ZNF440: variants seen among roughly 807,000 people sequenced by gnomAD.
ZNF440 encodes zinc finger protein 440.
ZNF440 carries 47 observed loss-of-function variants against 49.7 expected under a neutral mutation model. The observed-to-expected ratio is 0.95, with a 90% CI of 0.75 to 1.21. The LOEUF is 1.21. Among genes scored for constraint, ZNF440 ranks in the 50% most tolerant of loss-of-function variants. ZNF440 has a pLI of 0.00. For missense variants in ZNF440, 703 were observed against 715.0 expected (o/e 0.98, Z 0.19); for synonymous variants, 255 against 237.7 (o/e 1.07, Z -0.67).
intron 1 of ZNF440, 142 bp from the exon 2 acceptor site, chr19:11,830,141 C>A (rs985524059): frequency 3.4e-6 from 5 of 1,475,056 alleles, no homozygotes; most frequent in South Asian, 1.4e-5. Flanking sequence ...TAAGTATACA[C>A]AGGGAGAAAG....
chr19:11,823,456 AC>A (rs1288759682), intron 1 of ZNF440, among the ~76,000 whole-genome samples: 1 of 152,164 alleles, frequency 6.6e-6, no homozygotes, highest in African/African-American at 2.4e-5. Context: ...AGTGAAAAAA[AC>A]AAACTGCCTT....
chr19:11,826,638 GTTTTCCTTTTTTAATTTT>G (rs1975869753), intron 1 of ZNF440, among the ~76,000 whole-genome samples: 1 of 144,754 alleles, frequency 6.9e-6, no homozygotes, highest in Non-Finnish European at 1.5e-5. Context: ...CTTCATTGTT[GTTTTCCTTTTTTAATTTT>G]TTTTCCTTTT....
Position 11,833,467 on chromosome 19 carries a change from G to T in ZNF440, c.*503G>T. 2.8e-6 allele frequency: 1 copy of T among 353,700 alleles called. No homozygotes were observed. Among genetic ancestry groups the T allele is most frequent in the Non-Finnish European group, 5.5e-6 (1 of 182,144 alleles). The allele number at this position is 353,700 out of a possible 1,614,324, so 21.9% of individuals were successfully genotyped here. ...CTACTTCCTTTCATAGACATGAAAA[G>T]ACTCACACTGGAAGGAAACACTATG... On this transcript the variant is annotated 3_prime_UTR_variant, in exon 4 of 4. Transcript: ENST00000304060.
chr19:11,826,662 C>CTTT (rs112043377), intron 1 of ZNF440, among the ~76,000 whole-genome samples: 1 of 142,290 alleles, frequency 7.0e-6, no homozygotes, highest in Non-Finnish European at 1.5e-5. Flanking sequence ...ATTTTTTTTC[C>CTTT]TTTTTTTTTT....
Position 11,814,444 on chromosome 19 carries a change from A to G in ZNF440, c.-4A>G. The G allele has an allele frequency of 6.4e-7, 1 of 1,554,322 alleles. No homozygotes were observed. On this transcript the variant is annotated 5_prime_UTR_variant, in exon 1 of 4. Transcript: ENST00000304060. ...GGACGCCGGAACACCCTGGAAGCCGAGAAATGGTGTGTGTGAGGGGGCTGG... is the reference window on the plus strand; with the variant it reads ...GGACGCCGGAACACCCTGGAAGCCGGGAAATGGTGTGTGTGAGGGGGCTGG...
intron 1 of ZNF440, chr19:11,817,077 C>T (rs1599287839): frequency 6.6e-6 from 1 of 152,198 alleles, no homozygotes; most frequent in African/African-American, 2.4e-5. Flanking sequence ...TCGAAAGTTT[C>T]AGATTTCAAC....
At chr19:11,828,680 T>C (rs1975896137) in intron 1 of ZNF440, among the ~76,000 whole-genome samples, 2 of 151,024 alleles carry the variant, frequency 1.3e-5, no homozygotes, top group South Asian at 4.2e-4. Flanking sequence ...TGTTATTTTT[T>C]CTTTTTCTTT....
chr19:11,817,951 T>G (rs1166190893), intron 1 of ZNF440, among the ~76,000 whole-genome samples: 2 of 152,218 alleles, frequency 1.3e-5, no homozygotes, highest in Non-Finnish European at 2.9e-5. Context: ...GGCTCACGCC[T>G]GTAATCCCAG....
In ZNF440 at chr19:11,824,706, C is replaced by CTTT. The variant is rs71166634; in HGVS notation, c.4-5560_4-5558dup. On this transcript the variant is annotated intron_variant, in intron 1 of 3. Coordinates refer to ENST00000304060, the MANE Select transcript of ZNF440 (RefSeq NM_152357.3). Reference sequence around the variant, plus strand: ...CAGGCTCATAGTTCCCCCCACCACCCTTTTTTTTTTTTTTTTTTTGAGATA... The same window carrying CTTT: ...CAGGCTCATAGTTCCCCCCACCACCCTTTTTTTTTTTTTTTTTTTTTTGAGATA... 4.7e-3 allele frequency among the ~76,000 whole-genome samples: 571 copies of CTTT among 120,476 alleles called. 16 individuals carry two copies. Among genetic ancestry groups the CTTT allele is most frequent in the Middle Eastern group, 0.014 (3 of 212 alleles). 79.0% of individuals were successfully genotyped at this position (120,476 alleles called of 152,430 possible). A position where few individuals can be genotyped will look rare whatever the true frequency, so the allele number is the denominator to read the frequency against.
At chr19:11,827,355 C>T (rs1216866722) in intron 1 of ZNF440, among the ~76,000 whole-genome samples, 1 of 152,194 alleles carries the variant, frequency 6.6e-6, no homozygotes, top group African/African-American at 2.4e-5. Flanking sequence ...AGCCACCGCA[C>T]CCAGCGTTTT....
At chr19:11,825,028 T>C (rs995714424) in intron 1 of ZNF440, among the ~76,000 whole-genome samples, 9 of 151,858 alleles carry the variant, frequency 5.9e-5, no homozygotes, top group African/African-American at 1.7e-4. Flanking sequence ...ATTCTAAACA[T>C]CTTGACTGGC....
Position 11,833,191 on chromosome 19 carries a change from C to G in ZNF440, c.*227C>G. On this transcript the variant is annotated 3_prime_UTR_variant, in exon 4 of 4. Coordinates refer to ENST00000304060, the MANE Select transcript of ZNF440 (RefSeq NM_152357.3). ...AATTTGGGAAAGCCTTCAGATCTGT[C>G]AAAAATCTTCGATTTCATAAAAGGA... 1 of 1,179,938 alleles carries G rather than the reference C, an allele frequency of 8.5e-7. No homozygotes were observed. The highest frequency in any genetic ancestry group is 1.2e-6 in the Non-Finnish European group (1 of 822,798). 73.1% of individuals were successfully genotyped at this position (1,179,938 alleles called of 1,614,324 possible).
chr19:11,818,066 A>G (rs997926921), intron 1 of ZNF440, among the ~76,000 whole-genome samples: 1 of 152,000 alleles, frequency 6.6e-6, no homozygotes, highest in Non-Finnish European at 1.5e-5. Context: ...TTAACTGGGC[A>G]TGGTGGCATG....
At chr19:11,822,845 T>TTAAAAAAAA (rs1300080046) in intron 1 of ZNF440, among the ~76,000 whole-genome samples, 1 of 117,534 alleles carries the variant, frequency 8.5e-6, no homozygotes, top group African/African-American at 3.3e-5. Context: ...GAAACTCCGT[T>TTAAAAAAAA]AAAAAAAAAA....
In ZNF440 at chr19:11,833,127, A is replaced by G; in HGVS notation, c.*163A>G. The G allele has an allele frequency of 7.1e-7, 1 of 1,406,896 alleles. No individual in the cohort carries two copies. The highest frequency in any genetic ancestry group is 1.0e-6 in the Non-Finnish European group (1 of 1,000,850). The allele number at this position is 1,406,896 out of a possible 1,614,324, so 87.2% of individuals were successfully genotyped here. On this transcript the variant is annotated 3_prime_UTR_variant, in exon 4 of 4. Coordinates refer to ENST00000304060, the MANE Select transcript of ZNF440 (RefSeq NM_152357.3). ...TCCTTCACTTCCTTTCGATATCATG[A>G]AAGGACTCACACTGGAGAGAACCCC...
chr19:11,821,340 A>G (rs1403476154), intron 1 of ZNF440, among the ~76,000 whole-genome samples: 2 of 152,148 alleles, frequency 1.3e-5, no homozygotes, highest in South Asian at 2.1e-4. Flanking sequence ...GGAGACTCCT[A>G]GTATACTCTG....
chr19:11,819,136 TC>T lies in ZNF440; in HGVS notation c.3+4693del, dbSNP rs373908514. Among the ~76,000 whole-genome samples, 13 of 151,440 alleles carry T rather than the reference TC, an allele frequency of 8.6e-5. No individual in the cohort carries two copies. The East Asian group carries it at 9.7e-4, about 11-fold the overall frequency. ...CAGCCTGGGCAACATAGTGAGACCC[TC>T]CCCCCCATCTCAATTATGAAAAATC... On this transcript the variant is annotated intron_variant, in intron 1 of 3. Coordinates refer to ENST00000304060, the MANE Select transcript of ZNF440 (RefSeq NM_152357.3).
At chr19:11,822,356 T>C (rs866094921) in intron 1 of ZNF440, among the ~76,000 whole-genome samples, 11 of 152,320 alleles carry the variant, frequency 7.2e-5, no homozygotes, top group South Asian at 6.2e-4. Flanking sequence ...AAATGCATGC[T>C]AAGGTAACAT....
At chr19:11,828,432 A>G (rs1295464324) in intron 1 of ZNF440, among the ~76,000 whole-genome samples, 2 of 151,984 alleles carry the variant, frequency 1.3e-5, no homozygotes, top group African/African-American at 4.8e-5. Context: ...TGATCTTCCC[A>G]CCTCAACCTC....
Sources: allele counts gnomAD v4.1 joint callset (sites outside exome capture counted in the v4.1 genomes callset), GRCh38; gene constraint gnomAD v4.1.1; transcripts MANE v1.5; gene names NCBI Gene and HGNC (gene_info 2026-07-23, HGNC 2026-07-21).